BRINP1: variants seen among roughly 807,000 people sequenced by gnomAD.
The protein encoded by BRINP1 is BMP/retinoic acid-inducible neural-specific protein 1.
In BRINP1, 17 loss-of-function variants were observed where a neutral mutation model predicts 72.9. That is an observed-to-expected ratio of 0.23 (90% CI 0.16 to 0.35). BRINP1 has a LOEUF of 0.35. Ranked by LOEUF, BRINP1 falls within the 10% of genes least tolerant of loss-of-function variation. BRINP1 has a pLI of 1.00. For missense variants in BRINP1, 850 were observed against 1,001.6 expected (o/e 0.85, Z 2.04); for synonymous variants, 418 against 378.5 (o/e 1.10, Z -1.21).
At chr9:119,267,491 C>G (rs1407796762) in intron 2 of BRINP1, among the ~76,000 whole-genome samples, 5 of 151,728 alleles carry the variant, frequency 3.3e-5, no homozygotes, top group African/African-American at 1.2e-4. Context: ...CAAAAATTAG[C>G]CAGGTGTGGT....
chr9:119,214,822 A>C (rs1043178647), intron 5 of BRINP1, among the ~76,000 whole-genome samples: 1 of 152,212 alleles, frequency 6.6e-6, no homozygotes, highest in African/African-American at 2.4e-5. Context: ...ACACTAGGTT[A>C]AAAGAAGAAC....
At chr9:119,230,277 G>A (rs949708769) in intron 5 of BRINP1, among the ~76,000 whole-genome samples, 2 of 152,062 alleles carry the variant, frequency 1.3e-5, no homozygotes, top group African/African-American at 4.8e-5. Context: ...ACAGCCTGGT[G>A]TTAAGTTAAG....
At chr9:119,217,846 T>A (rs1248792322) in intron 5 of BRINP1, among the ~76,000 whole-genome samples, 1 of 152,166 alleles carries the variant, frequency 6.6e-6, no homozygotes, top group Non-Finnish European at 1.5e-5. Context: ...AGAAAAACCC[T>A]GCCTTTTTTT....
chr9:119,276,274 T>A (rs926608690), intron 2 of BRINP1, among the ~76,000 whole-genome samples: 4 of 152,200 alleles, frequency 2.6e-5, no homozygotes, highest in African/African-American at 9.6e-5. Flanking sequence ...AAGCAATACG[T>A]GAATACAGTC....
chr9:119,305,822 A>G (rs1587954755), intron 2 of BRINP1, among the ~76,000 whole-genome samples: 1 of 152,288 alleles, frequency 6.6e-6, no homozygotes, highest in East Asian at 1.9e-4. Context: ...GAGGGAAGGG[A>G]TCAATGATTT....
intron 1 of BRINP1, among the ~76,000 whole-genome samples, chr9:119,348,360 T>C (rs763751355): frequency 6.6e-6 from 1 of 152,236 alleles, no homozygotes; most frequent in African/African-American, 2.4e-5. Context: ...AGTTTACCTA[T>C]TGAAGGATAT....
At chr9:119,272,577 A>C (rs1339882784) in intron 2 of BRINP1, among the ~76,000 whole-genome samples, 1 of 152,142 alleles carries the variant, frequency 6.6e-6, no homozygotes, top group Non-Finnish European at 1.5e-5. Flanking sequence ...CTAGCTCCCA[A>C]GAGAAGAAAA....
rs1564259756 is a variant in BRINP1, at chr9:119,367,221, G to GTGATATATATATATATATATATATATAT, written c.-51+1834_-51+1835insATATATATATATATATATATATATATCA. Among the ~76,000 whole-genome samples the GTGATATATATATATATATATATATATAT allele has an allele frequency of 7.1e-4, 71 of 99,832 alleles. 1 individual carries two copies. Among genetic ancestry groups the GTGATATATATATATATATATATATATAT allele is most frequent in the African/African-American group, 2.3e-3 (61 of 25,958 alleles). 65.5% of individuals were successfully genotyped at this position (99,832 alleles called of 152,430 possible). On this transcript the variant is annotated intron_variant, in intron 1 of 7. Transcript: ENST00000265922. ...TGTGTGTGTGTGTGTGTGTGTGATT[G>GTGATATATATATATATATATATATATAT]ATATATATATATATATATATATCTT...
intron 7 of BRINP1, among the ~76,000 whole-genome samples, chr9:119,207,104 G>C (rs887201553): frequency 6.6e-6 from 1 of 152,168 alleles, no homozygotes; most frequent in Non-Finnish European, 1.5e-5. Context: ...CTAAGGAAAG[G>C]ATTTTAGATT....
chr9:119,223,259 C>T (rs1396811747), intron 5 of BRINP1, among the ~76,000 whole-genome samples: 1 of 152,046 alleles, frequency 6.6e-6, no homozygotes, highest in Non-Finnish European at 1.5e-5. Context: ...ACTGAATATG[C>T]TTGTCAAATT....
At chr9:119,179,631 A>C (rs1829530630) in intron 7 of BRINP1, among the ~76,000 whole-genome samples, 1 of 152,152 alleles carries the variant, frequency 6.6e-6, no homozygotes, top group South Asian at 2.1e-4. Flanking sequence ...CATCAACCCC[A>C]TGAGATAGGA....
chr9:119,271,188 C>CATAGGTGAATGGAAACATGAGT (rs1830601752), intron 2 of BRINP1, among the ~76,000 whole-genome samples: 1 of 151,762 alleles, frequency 6.6e-6, no homozygotes, highest in Non-Finnish European at 1.5e-5. Context: ...AAGGGAATAG[C>CATAGGTGAATGGAAACATGAGT]TCATAGGTGA....
intron 2 of BRINP1, among the ~76,000 whole-genome samples, chr9:119,279,892 C>A (rs545206612): frequency 1.7e-3 from 253 of 152,138 alleles, no homozygotes; most frequent in African/African-American, 5.5e-3. Context: ...TTACTGGGGT[C>A]AAAATTAATG....
chr9:119,192,123 T>C (rs563414709), intron 7 of BRINP1, among the ~76,000 whole-genome samples: 12 of 151,984 alleles, frequency 7.9e-5, no homozygotes, highest in South Asian at 2.1e-4. Context: ...AAAGGCCTCA[T>C]TGGAAGATCT....
intron 6 of BRINP1, among the ~76,000 whole-genome samples, chr9:119,212,170 A>T (rs2183964): frequency 6.6e-6 from 1 of 151,984 alleles, no homozygotes; most frequent in South Asian, 2.1e-4. Context: ...TCGTTATAAG[A>T]CATCCACAGT....
chr9:119,280,012 T>C (rs1830693091), intron 2 of BRINP1, among the ~76,000 whole-genome samples: 1 of 151,934 alleles, frequency 6.6e-6, no homozygotes, highest in Non-Finnish European at 1.5e-5. Flanking sequence ...GATCATAACA[T>C]CTTTTGTTAT....
chr9:119,288,554 G>T (rs2118970161), intron 2 of BRINP1, among the ~76,000 whole-genome samples: 1 of 152,146 alleles, frequency 6.6e-6, no homozygotes, highest in Non-Finnish European at 1.5e-5. Flanking sequence ...ATCAGTCAAT[G>T]AATTGATAAA....
At chr9:119,298,398 A>G (rs1450023230) in intron 2 of BRINP1, among the ~76,000 whole-genome samples, 1 of 152,188 alleles carries the variant, frequency 6.6e-6, no homozygotes. Context: ...TGAGGCTCAG[A>G]TCACTACTCA....
intron 2 of BRINP1, among the ~76,000 whole-genome samples, chr9:119,275,094 G>C (rs1266530260): frequency 6.6e-6 from 1 of 152,164 alleles, no homozygotes; most frequent in African/African-American, 2.4e-5. Context: ...ACCCAATTCT[G>C]TGTGACTCTA....
Sources: allele counts gnomAD v4.1 joint callset (sites outside exome capture counted in the v4.1 genomes callset), GRCh38; gene constraint gnomAD v4.1.1; transcripts MANE v1.5; gene names NCBI Gene and HGNC (gene_info 2026-07-23, HGNC 2026-07-21).